Variants in APBB2 observed in about 807,000 individuals in gnomAD.
The protein encoded by APBB2 is Fe65-like 1.
APBB2 carries 38 observed loss-of-function variants against 82.5 expected under a neutral mutation model. That is an observed-to-expected ratio of 0.46 (90% CI 0.36 to 0.60). The LOEUF (loss-of-function observed/expected upper bound fraction) is 0.60. Among genes scored for constraint, APBB2 ranks in the 20% least tolerant of loss-of-function variants. APBB2 has a pLI of 0.00. For synonymous variants in APBB2, 341 were observed against 368.2 expected (o/e 0.93, Z 0.85); for missense variants, 772 against 972.3 (o/e 0.79, Z 2.74).
intron 6 of APBB2, among the ~76,000 whole-genome samples, chr4:40,945,757 C>T (rs1040077362): frequency 1.2e-4 from 19 of 152,276 alleles, no homozygotes; most frequent in Admixed American, 2.6e-4. Context: ...GGACTACAGG[C>T]GCTTGCCACC....
rs116584714 is a variant in APBB2 at position 40,877,095 on chromosome 4, A to G, written c.1529+13269T>C. On this transcript the variant is annotated intron_variant, in intron 12 of 17. Coordinates refer to ENST00000508593, the MANE Select transcript of APBB2 (RefSeq NM_004307.2). ...GAGCCATTAACCACAGTGGCTCAGC[A>G]TAAGTCCAGTGGATGAACACATGCC... 5.0e-3 allele frequency among the ~76,000 whole-genome samples: 760 copies of G among 152,392 alleles called. 5 individuals carry two copies. Among genetic ancestry groups the G allele is most frequent in the African/African-American group, 0.017 (692 of 41,592 alleles).
chr4:40,890,515 C>T lies in APBB2; in HGVS notation c.1402-24G>A, dbSNP rs749504444. The stretch of plus-strand genomic sequence containing the variant: ...CCCTGGGACACAACGAGAAAACACG[C>T]TGTCTTCTTCATGCAGGCTGGAAAG... On this transcript the variant is annotated intron_variant, in intron 11 of 17. Transcript: ENST00000508593. The T allele has an allele frequency of 1.1e-5, 17 of 1,612,622 alleles. No individual in the cohort carries two copies. In the South Asian group the frequency reaches 1.8e-4, roughly 17 times the overall value.
At chr4:40,983,430 T>G (rs1158869003) in intron 6 of APBB2, among the ~76,000 whole-genome samples, 2 of 152,200 alleles carry the variant, frequency 1.3e-5, no homozygotes, top group African/African-American at 2.4e-5. Flanking sequence ...TATTGGGAAA[T>G]AGCAGATATT....
intron 1 of APBB2, among the ~76,000 whole-genome samples, chr4:41,169,293 A>G (rs1767609190): frequency 6.6e-6 from 1 of 152,116 alleles, no homozygotes; most frequent in Non-Finnish European, 1.5e-5. Flanking sequence ...GGAAAAGTAC[A>G]ACACAGGCAA....
At position 40,816,028 on chromosome 4, in the gene APBB2, T is replaced by G. The variant is rs1577626308; in HGVS notation, c.*64A>C. 6.4e-7 allele frequency: 1 copy of G among 1,560,740 alleles called. No individual in the cohort carries two copies. The highest frequency in any genetic ancestry group is 8.7e-7 in the Non-Finnish European group (1 of 1,143,304). On this transcript the variant is annotated 3_prime_UTR_variant, in exon 18 of 18. Coordinates refer to ENST00000508593, the MANE Select transcript of APBB2 (RefSeq NM_004307.2). ...CTGGATGGAAGGTCGGATGGCGGAGTTCATTTTCTTTAGTGTAGCTAGTCA... is the reference window on the plus strand; with the variant it reads ...CTGGATGGAAGGTCGGATGGCGGAGGTCATTTTCTTTAGTGTAGCTAGTCA...
chr4:40,842,424 A>G (rs1003893884), intron 12 of APBB2: 1 of 451,548 alleles, frequency 2.2e-6, no homozygotes, highest in African/African-American at 2.0e-5. Context: ...ACACGTTAGC[A>G]TTCACACGGC....
chr4:40,961,018 CT>C (rs919609854), intron 6 of APBB2, among the ~76,000 whole-genome samples: 9 of 151,266 alleles, frequency 5.9e-5, no homozygotes, highest in African/African-American at 2.2e-4. Context: ...AACAGAGATG[CT>C]GCCTTGGACT....
intron 6 of APBB2, among the ~76,000 whole-genome samples, chr4:40,974,223 T>C (rs1225525610): frequency 6.6e-6 from 1 of 152,156 alleles, no homozygotes; most frequent in Non-Finnish European, 1.5e-5. Flanking sequence ...TTAACTTGAT[T>C]ACAGGTGCAA....
chr4:40,971,571 G>A (rs1222368299), intron 6 of APBB2, among the ~76,000 whole-genome samples: 2 of 152,026 alleles, frequency 1.3e-5, no homozygotes, highest in African/African-American at 2.4e-5. Flanking sequence ...TAACATAACC[G>A]CTCATGGCTT....
intron 6 of APBB2, among the ~76,000 whole-genome samples, chr4:40,998,849 C>A (rs1373344982): frequency 6.6e-6 from 1 of 152,126 alleles, no homozygotes; most frequent in African/African-American, 2.4e-5. Flanking sequence ...GGCTACTAAG[C>A]AACTCACAGG....
chr4:41,049,279 C>T (rs1461545436), intron 4 of APBB2, among the ~76,000 whole-genome samples: 3 of 149,680 alleles, frequency 2.0e-5, no homozygotes, highest in Admixed American at 6.6e-5. Flanking sequence ...CCGGCCGCCC[C>T]GTCGGAGAAG....
intron 6 of APBB2, among the ~76,000 whole-genome samples, chr4:40,954,444 GA>G (rs1791035890): frequency 6.6e-6 from 1 of 152,168 alleles, no homozygotes; most frequent in Non-Finnish European, 1.5e-5. Context: ...CTCTGTGCCA[GA>G]CACTGGTTTA....
intron 10 of APBB2, among the ~76,000 whole-genome samples, chr4:40,923,496 A>C (rs10805147): frequency 2.2e-4 from 33 of 152,060 alleles, no homozygotes; most frequent in African/African-American, 7.7e-4. Context: ...TGGATGTCCC[A>C]TGGCTACTCC....
At chr4:41,104,615 T>C (rs934589543) in intron 2 of APBB2, among the ~76,000 whole-genome samples, 1 of 152,184 alleles carries the variant, frequency 6.6e-6, no homozygotes, top group Non-Finnish European at 1.5e-5. Flanking sequence ...ATAGGTAGTT[T>C]TGCAATCCTC....
chr4:40,907,421 A>T (rs1777306112), intron 10 of APBB2, among the ~76,000 whole-genome samples: 1 of 132,078 alleles, frequency 7.6e-6, no homozygotes, highest in East Asian at 2.1e-4. Context: ...TCACTCTGTC[A>T]CCCAGGCTGG....
chr4:40,902,788 C>G (rs1056605899), intron 10 of APBB2, among the ~76,000 whole-genome samples: 1 of 152,122 alleles, frequency 6.6e-6, no homozygotes, highest in Admixed American at 6.6e-5. Flanking sequence ...CCTTGGCATC[C>G]GAAAGTGCTG....
chr4:41,050,953 G>A (rs1725705378), intron 4 of APBB2, among the ~76,000 whole-genome samples: 1 of 149,994 alleles, frequency 6.7e-6, no homozygotes, highest in Non-Finnish European at 1.5e-5. Flanking sequence ...GCAGCAGGAA[G>A]AGTTGAGCCC....
chr4:40,996,379 A>C (rs2154416447), intron 6 of APBB2, among the ~76,000 whole-genome samples: 1 of 152,200 alleles, frequency 6.6e-6, no homozygotes, highest in Non-Finnish European at 1.5e-5. Flanking sequence ...CCATGTTTCC[A>C]CCCCATCCTC....
chr4:41,148,776 A>AT (rs1235463803), intron 1 of APBB2, among the ~76,000 whole-genome samples: 1 of 152,072 alleles, frequency 6.6e-6, no homozygotes, highest in African/African-American at 2.4e-5. Context: ...CATTTAGTAC[A>AT]TTTTTTTAGC....
Sources: allele counts gnomAD v4.1 joint callset (sites outside exome capture counted in the v4.1 genomes callset), GRCh38; gene constraint gnomAD v4.1.1; transcripts MANE v1.5; gene names NCBI Gene and HGNC (gene_info 2026-07-23, HGNC 2026-07-21).